Variants in PAPSS2 observed in about 807,000 individuals in gnomAD.
PAPSS2 encodes 3'-phosphoadenosine 5'-phosphosulfate synthase 2, also known as bifunctional 3'-phosphoadenosine 5'-phosphosulfate synthase 2.
A neutral mutation model predicts 66.5 loss-of-function variants in PAPSS2; 61 were observed. The observed-to-expected ratio is 0.92, with a 90% CI of 0.75 to 1.14. The LOEUF (loss-of-function observed/expected upper bound fraction) is 1.14. Among genes scored for constraint, PAPSS2 ranks in the 50% most tolerant of loss-of-function variants. The pLI is 0.00. For missense variants in PAPSS2, 708 were observed against 789.6 expected (o/e 0.90, Z 1.24); for synonymous variants, 289 against 287.5 (o/e 1.01, Z -0.05).
chr10:87,727,333 G>A lies in PAPSS2; in HGVS notation c.930G>A (p.Glu310=). The A allele has an allele frequency of 1.2e-6, 2 of 1,614,028 alleles. No individual in the cohort carries two copies. Among genetic ancestry groups the A allele is most frequent in the Non-Finnish European group, 1.7e-6 (2 of 1,180,000 alleles). The change falls in exon 9 of 13, where the codon GAG becomes GAA. Residue 310 remains glutamate, a synonymous_variant. Coordinates refer to ENST00000456849, the MANE Select transcript of PAPSS2 (RefSeq NM_001015880.2). Reference sequence around the variant, plus strand: ...CCATTGTACTGCCCGTCTCTGCAGAGGATAAGACACGGCTGGAAGGGTGCA... The same window carrying A: ...CCATTGTACTGCCCGTCTCTGCAGAAGATAAGACACGGCTGGAAGGGTGCA... ...SIPIVLPVSA[E]DKTRLEGCSK... is the part of the protein sequence containing the mutation.
intron 1 of PAPSS2, among the ~76,000 whole-genome samples, chr10:87,676,117 C>G (rs1852943459): frequency 6.6e-6 from 1 of 151,602 alleles, no homozygotes; most frequent in African/African-American, 2.4e-5. Flanking sequence ...TATCCTTGTC[C>G]TGTTTTACCG....
intron 1 of PAPSS2, among the ~76,000 whole-genome samples, chr10:87,683,127 GT>G (rs1853045130): frequency 2.2e-5 from 2 of 89,666 alleles, no homozygotes; most frequent in Non-Finnish European, 4.3e-5. Flanking sequence ...GTCTTGGTTT[GT>G]CCCCTAGGCA....
At chr10:87,727,242 C>T (rs778792401) in intron 8 of PAPSS2, 42 bp from the exon 9 acceptor site, 1 of 1,527,344 alleles carries the variant, frequency 6.5e-7, no homozygotes, top group Non-Finnish European at 9.1e-7. Context: ...GGATGGCACA[C>T]CTTATATCTA....
At chr10:87,674,881 T>C in intron 1 of PAPSS2, among the ~76,000 whole-genome samples, 1 of 152,226 alleles carries the variant, frequency 6.6e-6, no homozygotes, top group East Asian at 1.9e-4. Context: ...AGGGGATCCA[T>C]AGGCGACCAT....
chr10:87,729,209 G>A (rs944238351), intron 9 of PAPSS2, among the ~76,000 whole-genome samples: 3 of 150,188 alleles, frequency 2.0e-5, no homozygotes, highest in Non-Finnish European at 2.9e-5. Flanking sequence ...TCACTTTATC[G>A]TGCTTCACAG....
intron 1 of PAPSS2, among the ~76,000 whole-genome samples, chr10:87,688,797 C>T (rs1452781202): frequency 6.6e-6 from 1 of 152,052 alleles, no homozygotes; most frequent in African/African-American, 2.4e-5. Flanking sequence ...CCAAACAGTC[C>T]TTCTTATTCA....
At chr10:87,681,378 CTGTT>C (rs1346489150) in intron 1 of PAPSS2, among the ~76,000 whole-genome samples, 2 of 152,142 alleles carry the variant, frequency 1.3e-5, no homozygotes, top group African/African-American at 4.8e-5. Flanking sequence ...TTTACAATAA[CTGTT>C]AGAGTCAAAA....
At chr10:87,734,703 A>G (rs59001039) in intron 9 of PAPSS2, among the ~76,000 whole-genome samples, 6,354 of 111,336 alleles carry the variant, frequency 0.057, 400 homozygotes, top group African/African-American at 0.16. Flanking sequence ...ATATATATAT[A>G]TATGTATGTA....
intron 1 of PAPSS2, among the ~76,000 whole-genome samples, chr10:87,697,769 T>G (rs1853252405): frequency 6.6e-6 from 1 of 152,188 alleles, no homozygotes; most frequent in African/African-American, 2.4e-5. Context: ...GCTGGGTGGT[T>G]TATCATCCAA....
At chr10:87,689,081 CTG>C (rs1014819509) in intron 1 of PAPSS2, among the ~76,000 whole-genome samples, 1 of 152,162 alleles carries the variant, frequency 6.6e-6, no homozygotes, top group Non-Finnish European at 1.5e-5. Context: ...TGGCTCACGC[CTG>C]TAATCCCAGC....
rs896245338 is a variant in PAPSS2, at chr10:87,669,593, C to T, written c.27+9585C>T. ...AAATAAAGCCTAGACATTAAAATTC[C>T]GATTGTGGAATGTGCGTTATTTATC... On this transcript the variant is annotated intron_variant, in intron 1 of 12. Coordinates refer to ENST00000456849, the MANE Select transcript of PAPSS2 (RefSeq NM_001015880.2). Among the ~76,000 whole-genome samples the T allele has an allele frequency of 5.9e-5, 9 of 152,142 alleles. No homozygotes were observed. The South Asian group carries it at 6.2e-4, about 10-fold the overall frequency.
chr10:87,710,725 G>T (rs1853453230), intron 2 of PAPSS2, among the ~76,000 whole-genome samples: 1 of 152,184 alleles, frequency 6.6e-6, no homozygotes, highest in South Asian at 2.1e-4. Context: ...TCAAGGCCGG[G>T]CTTGGTAGCT....
chr10:87,713,124 C>A lies in PAPSS2; in HGVS notation c.195C>A (p.Tyr65Ter). Residue 65 changes from tyrosine to a stop codon, truncating the protein, a stop_gained, in exon 3 of 13, where the codon TAC becomes TAA. Coordinates refer to ENST00000456849, the MANE Select transcript of PAPSS2 (RefSeq NM_001015880.2). LOFTEE classifies it high-confidence loss of function. ...KTTISFALEEYLVSHAIPCYS... is the reference protein window; with the variant it reads ...KTTISFALEE Reference sequence around the variant, plus strand: ...CGATAAGTTTTGCCCTGGAGGAGTACCTTGTCTCCCATGCCATCCCTTGTT... The same window carrying A: ...CGATAAGTTTTGCCCTGGAGGAGTAACTTGTCTCCCATGCCATCCCTTGTT... The A allele has an allele frequency of 6.2e-7, 1 of 1,613,348 alleles. No individual in the cohort carries two copies. Among genetic ancestry groups the A allele is most frequent in the Non-Finnish European group, 8.5e-7 (1 of 1,179,708 alleles).
chr10:87,681,476 GAA>G, intron 1 of PAPSS2, among the ~76,000 whole-genome samples: 1 of 152,188 alleles, frequency 6.6e-6, no homozygotes. Context: ...TTTTAAGTGA[GAA>G]AGTGAAATGG....
At chr10:87,668,677 T>C (rs1282967163) in intron 1 of PAPSS2, among the ~76,000 whole-genome samples, 5 of 152,004 alleles carry the variant, frequency 3.3e-5, no homozygotes, top group Non-Finnish European at 7.4e-5. Context: ...TGTGTGTGTG[T>C]GTGTGTGTGT....
chr10:87,683,830 C>A (rs938390061), intron 1 of PAPSS2, among the ~76,000 whole-genome samples: 1 of 152,068 alleles, frequency 6.6e-6, no homozygotes, highest in Non-Finnish European at 1.5e-5. Context: ...GTTGGGACCA[C>A]AGGTGCAAAC....
At chr10:87,735,190 G>A (rs911782527) in intron 9 of PAPSS2, among the ~76,000 whole-genome samples, 3 of 152,126 alleles carry the variant, frequency 2.0e-5, no homozygotes, top group African/African-American at 7.2e-5. Context: ...AGGCCACAAA[G>A]CCCTGGGAAA....
chr10:87,705,283 A>C (rs1238949894), intron 1 of PAPSS2, among the ~76,000 whole-genome samples: 1 of 152,236 alleles, frequency 6.6e-6, no homozygotes, highest in Non-Finnish European at 1.5e-5. Flanking sequence ...ATTATTGAAT[A>C]GTATAACCAT....
intron 7 of PAPSS2, among the ~76,000 whole-genome samples, chr10:87,716,918 A>G (rs1165589784): frequency 2.0e-5 from 3 of 152,194 alleles, no homozygotes; most frequent in African/African-American, 7.2e-5. Flanking sequence ...GCATTATTTC[A>G]TTTGATCCTC....
Sources: gnomAD v4.1 joint callset for allele counts (sites outside exome capture counted in the v4.1 genomes callset) on GRCh38, gnomAD v4.1.1 for gene constraint, MANE v1.5 for transcripts, NCBI Gene and HGNC (gene_info 2026-07-23, HGNC 2026-07-21) for gene names.